Variants in ELOVL5 observed in about 807,000 individuals in gnomAD.
ELOVL5 encodes very long chain fatty acid elongase 5.
A neutral mutation model predicts 38.6 loss-of-function variants in ELOVL5; 8 were observed. That is an observed-to-expected ratio of 0.21 (90% confidence interval 0.12 to 0.37). ELOVL5 has a LOEUF of 0.37. Among genes scored for constraint, ELOVL5 ranks in the 10% least tolerant of loss-of-function variants. The pLI, the probability that ELOVL5 is intolerant of heterozygous loss-of-function variation, is 1.00. For missense variants in ELOVL5, 280 were observed against 367.8 expected, an observed-to-expected ratio of 0.76 and a Z score of 1.95; for synonymous variants, 127 against 133.7, an observed-to-expected ratio of 0.95 and a Z score of 0.34.
At chr6:53,307,626 C>G (rs2127581507) in intron 1 of ELOVL5, among the ~76,000 whole-genome samples, 1 of 152,300 alleles carries the variant, frequency 6.6e-6, no homozygotes, top group East Asian at 1.9e-4. Flanking sequence ...TACCTCACAG[C>G]TCTGTTATTT....
chr6:53,314,996 A>G (rs937942828), intron 1 of ELOVL5, among the ~76,000 whole-genome samples: 5 of 152,242 alleles, frequency 3.3e-5, no homozygotes, highest in Admixed American at 2.6e-4. Context: ...GAACAATTTA[A>G]TAAATTGCAA....
At chr6:53,280,323 C>T (rs1184009303) in intron 3 of ELOVL5, among the ~76,000 whole-genome samples, 1 of 152,184 alleles carries the variant, frequency 6.6e-6, no homozygotes, top group African/African-American at 2.4e-5. Flanking sequence ...CTCCAAGAAC[C>T]ACCCAGGGGC....
At position 53,305,564 on chromosome 6, in the gene ELOVL5, G is replaced by A. The variant is rs1030113791; in HGVS notation, c.-8-9857C>T. ...GAGACGCTCCTCACCTCCCAGACGG[G>A]GTCGCGGCTGGGCCGAGGCGCTCCC... is the stretch of plus-strand genomic sequence containing the variant. On this transcript the variant is annotated intron_variant, in intron 1 of 7. Coordinates refer to ENST00000304434, the MANE Select transcript of ELOVL5 (RefSeq NM_021814.5). Among the ~76,000 whole-genome samples the A allele has an allele frequency of 3.4e-4, 52 of 151,612 alleles. 1 individual carries two copies. The East Asian group carries it at 8.9e-3, about 26-fold the overall frequency.
chr6:53,334,050 A>T (rs141182625), intron 1 of ELOVL5, among the ~76,000 whole-genome samples: 528 of 152,346 alleles, frequency 3.5e-3, no homozygotes, highest in African/African-American at 0.011. Flanking sequence ...GAAATAGGCT[A>T]TACTTTAATC....
At chr6:53,317,837 A>T (rs1178621037) in intron 1 of ELOVL5, among the ~76,000 whole-genome samples, 5 of 150,776 alleles carry the variant, frequency 3.3e-5, no homozygotes, top group African/African-American at 1.2e-4. Flanking sequence ...AAAAAAATTA[A>T]AAAAAATAAA....
chr6:53,278,673 C>T (rs764120370), intron 3 of ELOVL5, among the ~76,000 whole-genome samples: 17 of 152,144 alleles, frequency 1.1e-4, no homozygotes, highest in Non-Finnish European at 2.1e-4. Context: ...CAAGAAGCTG[C>T]TCACTCGGTG....
chr6:53,318,705 A>G (rs1768154973), intron 1 of ELOVL5, among the ~76,000 whole-genome samples: 1 of 151,850 alleles, frequency 6.6e-6, no homozygotes, highest in Admixed American at 6.6e-5. Context: ...GCGCTACTGC[A>G]CTCCAGCCTG....
At chr6:53,322,397 TTA>T (rs1768336291) in intron 1 of ELOVL5, among the ~76,000 whole-genome samples, 1 of 152,212 alleles carries the variant, frequency 6.6e-6, no homozygotes, top group East Asian at 1.9e-4. Flanking sequence ...CAAATTTGGT[TTA>T]TGTTATTAGT....
At chr6:53,298,906 G>GC (rs956116928) in intron 1 of ELOVL5, among the ~76,000 whole-genome samples, 3 of 149,236 alleles carry the variant, frequency 2.0e-5, no homozygotes, top group African/African-American at 7.5e-5. Flanking sequence ...AAGGCGGGGG[G>GC]GGGGAGTTGA....
At chr6:53,288,032 C>A in intron 3 of ELOVL5, 1 of 1,101,772 alleles carries the variant, frequency 9.1e-7, no homozygotes, top group Non-Finnish European at 1.3e-6. Flanking sequence ...AATGGCTTCA[C>A]ATGAGGACAG....
At chr6:53,345,096 C>T (rs1232142186) in intron 1 of ELOVL5, among the ~76,000 whole-genome samples, 2 of 152,126 alleles carry the variant, frequency 1.3e-5, no homozygotes, top group South Asian at 2.1e-4. Context: ...TCCACTGTTC[C>T]AGTTATTGCT....
intron 3 of ELOVL5, among the ~76,000 whole-genome samples, chr6:53,278,868 T>A (rs558984894): frequency 4.7e-4 from 71 of 152,272 alleles, no homozygotes; most frequent in Non-Finnish European, 7.8e-4. Flanking sequence ...CTCCAGTGAG[T>A]CATCATTGCC....
At chr6:53,273,698 T>C (rs139486481) in intron 5 of ELOVL5, among the ~76,000 whole-genome samples, 2,915 of 152,288 alleles carry the variant, frequency 0.019, 53 homozygotes, top group Non-Finnish European at 0.031. Flanking sequence ...CCAAATATGC[T>C]CTCTGAAGGC....
At chr6:53,294,222 G>C in intron 2 of ELOVL5, 1 of 1,495,350 alleles carries the variant, frequency 6.7e-7, no homozygotes, top group East Asian at 2.5e-5. Flanking sequence ...TCCAGCCCCA[G>C]GTAGAGAATC....
intron 1 of ELOVL5, among the ~76,000 whole-genome samples, chr6:53,331,489 C>T (rs1006559920): frequency 6.6e-6 from 1 of 152,110 alleles, no homozygotes; most frequent in African/African-American, 2.4e-5. Flanking sequence ...ACCAACATCT[C>T]CACAAACACA....
intron 1 of ELOVL5, 122 bp downstream of exon 1, chr6:53,348,695 C>T (rs1166248262): frequency 1.1e-5 from 4 of 368,114 alleles, no homozygotes; most frequent in South Asian, 5.6e-5. Flanking sequence ...GCAGCTCTTT[C>T]TCGGCACCAG....
At chr6:53,321,311 T>G (rs1398193754) in intron 1 of ELOVL5, among the ~76,000 whole-genome samples, 1 of 152,268 alleles carries the variant, frequency 6.6e-6, no homozygotes, top group Non-Finnish European at 1.5e-5. Flanking sequence ...TCCACGGTTC[T>G]GCATTTGGAT....
At position 53,339,628 on chromosome 6, in the gene ELOVL5, T is replaced by C. The variant is rs150965448; in HGVS notation, c.-9+9189A>G. Reference sequence around the variant, plus strand: ...AAACTCCTATTGCCTAGTGACATCATAGCACAATAAAACATTTGTGGTGAT... The same window carrying C: ...AAACTCCTATTGCCTAGTGACATCACAGCACAATAAAACATTTGTGGTGAT... On this transcript the variant is annotated intron_variant, in intron 1 of 7. Transcript: ENST00000304434. 3.8e-3 allele frequency among the ~76,000 whole-genome samples: 585 copies of C among 152,326 alleles called. 2 individuals carry two copies. Among genetic ancestry groups the C allele is most frequent in the African/African-American group, 0.012 (517 of 41,578 alleles).
chr6:53,303,308 T>C (rs1199248574), intron 1 of ELOVL5, among the ~76,000 whole-genome samples: 3 of 152,212 alleles, frequency 2.0e-5, no homozygotes, highest in Admixed American at 6.5e-5. Context: ...TGTTAAAGTG[T>C]TGGCATTTAA....
Sources: allele counts gnomAD v4.1 joint callset (sites outside exome capture counted in the v4.1 genomes callset), GRCh38; gene constraint gnomAD v4.1.1; transcripts MANE v1.5; gene names NCBI Gene and HGNC (gene_info 2026-07-23, HGNC 2026-07-21).